PKNOX2: variants seen among roughly 807,000 people sequenced by gnomAD.
PKNOX2 encodes the protein homeobox protein PKNOX2.
A neutral mutation model predicts 53.1 loss-of-function variants in PKNOX2; 14 were observed. The observed-to-expected ratio is 0.26, with a 90% confidence interval of 0.17 to 0.41. The LOEUF (loss-of-function observed/expected upper bound fraction) is 0.41. Among genes scored for constraint, PKNOX2 ranks in the 10% least tolerant of loss-of-function variants. The pLI is 1.00. For synonymous variants in PKNOX2, 257 were observed against 242.8 expected, an observed-to-expected ratio of 1.06 and a Z score of -0.54; for missense variants, 496 against 602.8, an observed-to-expected ratio of 0.82 and a Z score of 1.85.
At chr11:125,217,607 C>A (rs1261557678) in intron 1 of PKNOX2, among the ~76,000 whole-genome samples, 1 of 152,190 alleles carries the variant, frequency 6.6e-6, no homozygotes, top group Non-Finnish European at 1.5e-5. Context: ...GTCTCCTCTG[C>A]GTGATTGCCC....
rs772688478 is a variant in PKNOX2, at chr11:125,411,740, C to T, written c.817-6C>T. 4 of 1,613,964 alleles carry T rather than the reference C, an allele frequency of 2.5e-6. No homozygotes were observed. In the South Asian group the frequency reaches 4.4e-5, roughly 18 times the overall value. Reference sequence around the variant, plus strand: ...GATGCTGATTTTCTCTCCACGTGCCCTGAAGGTTAACCTTGACCTCACCTC... The same window carrying T: ...GATGCTGATTTTCTCTCCACGTGCCTTGAAGGTTAACCTTGACCTCACCTC... On this transcript the variant is annotated splice_region_variant and splice_polypyrimidine_tract_variant and intron_variant, in intron 9 of 12. Transcript: ENST00000298282.
At chr11:125,194,303 G>A (rs1027832646) in intron 1 of PKNOX2, among the ~76,000 whole-genome samples, 5 of 152,162 alleles carry the variant, frequency 3.3e-5, no homozygotes, top group Non-Finnish European at 7.4e-5. Context: ...CTCCCATTGC[G>A]GCCTTTCTTG....
intron 1 of PKNOX2, among the ~76,000 whole-genome samples, chr11:125,224,523 G>T (rs779341469): frequency 1.3e-5 from 2 of 152,208 alleles, no homozygotes; most frequent in South Asian, 2.1e-4. Context: ...GAAATCTCCC[G>T]CCCCTTGCCT....
At chr11:125,380,124 G>A (rs907778060) in intron 5 of PKNOX2, among the ~76,000 whole-genome samples, 7 of 152,162 alleles carry the variant, frequency 4.6e-5, no homozygotes, top group African/African-American at 9.7e-5. Flanking sequence ...GCCTGTGTCC[G>A]CGCTCCTGGG....
chr11:125,251,911 C>G (rs1726088399), intron 2 of PKNOX2, among the ~76,000 whole-genome samples: 1 of 151,180 alleles, frequency 6.6e-6, no homozygotes, highest in South Asian at 2.1e-4. Flanking sequence ...CTTCATTGTT[C>G]ATTCATTTGT....
intron 8 of PKNOX2, 133 bp downstream of exon 8, chr11:125,410,458 T>C: frequency 7.8e-7 from 1 of 1,286,824 alleles, no homozygotes; most frequent in South Asian, 1.5e-5. Flanking sequence ...TTGACTAAAG[T>C]TTTCTGTAAG....
At chr11:125,325,859 C>CTGAGTATTATTT (rs1289872748) in intron 2 of PKNOX2, among the ~76,000 whole-genome samples, 17 of 152,322 alleles carry the variant, frequency 1.1e-4, no homozygotes, top group Middle Eastern at 3.4e-3. Flanking sequence ...CTTAGTGTTA[C>CTGAGTATTATTT]TGCAGGAAGC....
At chr11:125,356,857 G>A (rs1182417821) in intron 4 of PKNOX2, among the ~76,000 whole-genome samples, 1 of 152,236 alleles carries the variant, frequency 6.6e-6, no homozygotes, top group Non-Finnish European at 1.5e-5. Flanking sequence ...GGCTGTGAAT[G>A]GCCTCCATCC....
Position 125,235,406 on chromosome 11 carries a change from A to C in PKNOX2, c.-130+291A>C, listed in dbSNP as rs181641385. The stretch of plus-strand genomic sequence containing the variant: ...GGAGAAGGAAGCTCTTGAGTCTGCA[A>C]GGCCGACCCAGACCCCAGCCACTAT... On this transcript the variant is annotated intron_variant, in intron 2 of 12. Transcript: ENST00000298282. 1.2e-4 allele frequency among the ~76,000 whole-genome samples: 18 copies of C among 152,372 alleles called. No homozygotes were observed. The East Asian group carries it at 3.5e-3, about 29-fold the overall frequency.
At chr11:125,263,378 G>T (rs1480184323) in intron 2 of PKNOX2, among the ~76,000 whole-genome samples, 1 of 152,168 alleles carries the variant, frequency 6.6e-6, no homozygotes. Flanking sequence ...GGGATCTGCT[G>T]GCGGGCCTAG....
At chr11:125,383,464 AAAATT>A (rs1205416833) in intron 5 of PKNOX2, among the ~76,000 whole-genome samples, 4 of 149,482 alleles carry the variant, frequency 2.7e-5, no homozygotes, top group Non-Finnish European at 5.9e-5. Context: ...AAAAAAAAAA[AAAATT>A]AGTCAGGCAT....
At chr11:125,426,390 C>CCAT in intron 10 of PKNOX2, among the ~76,000 whole-genome samples, 1 of 152,296 alleles carries the variant, frequency 6.6e-6, no homozygotes, top group East Asian at 1.9e-4. Flanking sequence ...TTTTTTCTTC[C>CCAT]CATCTAGTCT....
At chr11:125,232,634 T>C (rs1942309694) in intron 1 of PKNOX2, among the ~76,000 whole-genome samples, 1 of 152,220 alleles carries the variant, frequency 6.6e-6, no homozygotes, top group African/African-American at 2.4e-5. Flanking sequence ...ATTGTCGAAG[T>C]TCCTAAAATA....
intron 12 of PKNOX2, among the ~76,000 whole-genome samples, chr11:125,430,361 G>A (rs1956639086): frequency 6.6e-6 from 1 of 152,172 alleles, no homozygotes; most frequent in Non-Finnish European, 1.5e-5. Context: ...GCGGGAGTTG[G>A]TGGTCACGCA....
chr11:125,331,216 A>G (rs1410916444), intron 2 of PKNOX2, among the ~76,000 whole-genome samples: 1 of 152,208 alleles, frequency 6.6e-6, no homozygotes, highest in Non-Finnish European at 1.5e-5. Context: ...ATCTAAAAAT[A>G]AAAATAAGTC....
chr11:125,223,994 C>T (rs1188706344), intron 1 of PKNOX2, among the ~76,000 whole-genome samples: 1 of 152,248 alleles, frequency 6.6e-6, no homozygotes, highest in Admixed American at 6.5e-5. Flanking sequence ...TTGTTACTGG[C>T]GATCTTGCAC....
chr11:125,368,273 A>T (rs1952303980), intron 5 of PKNOX2, among the ~76,000 whole-genome samples: 1 of 152,174 alleles, frequency 6.6e-6, no homozygotes, highest in South Asian at 2.1e-4. Context: ...CCGCTCAGCC[A>T]AACAGGCAGC....
chr11:125,415,836 TA>T (rs1052336429), intron 10 of PKNOX2, among the ~76,000 whole-genome samples: 1 of 152,142 alleles, frequency 6.6e-6, no homozygotes, highest in Admixed American at 6.5e-5. Flanking sequence ...AAAATTAGTT[TA>T]AAAAAGAAAC....
chr11:125,180,604 A>G (rs1956100652), intron 1 of PKNOX2, among the ~76,000 whole-genome samples: 2 of 152,202 alleles, frequency 1.3e-5, no homozygotes, highest in Admixed American at 6.5e-5. Context: ...CGGAGCCAGA[A>G]TGAGAACCAA....
Sources: gnomAD v4.1 joint callset for allele counts (sites outside exome capture counted in the v4.1 genomes callset) on GRCh38, gnomAD v4.1.1 for gene constraint, MANE v1.5 for transcripts, NCBI Gene and HGNC (gene_info 2026-07-23, HGNC 2026-07-21) for gene names.